SHISA9: variants seen among roughly 807,000 people sequenced by gnomAD.
SHISA9 encodes the protein protein shisa-9.
SHISA9 carries 13 observed loss-of-function variants against 38.0 expected under a neutral mutation model. The observed-to-expected ratio is 0.34, with a 90% confidence interval of 0.22 to 0.54. The LOEUF is 0.54. Ranked by LOEUF, SHISA9 falls within the 20% of genes least tolerant of loss-of-function variation. The probability of loss-of-function intolerance (pLI) is 0.91; values close to 1 mark genes in which losing one functional copy is unlikely to be tolerated. For synonymous variants in SHISA9, 275 were observed against 242.0 expected (o/e 1.14, Z -1.27); for missense variants, 538 against 575.8 (o/e 0.93, Z 0.67).
chr16:13,066,055 C>G (rs2073431138), intron 2 of SHISA9, among the ~76,000 whole-genome samples: 1 of 152,210 alleles, frequency 6.6e-6, no homozygotes, highest in African/African-American at 2.4e-5. Context: ...CTCAAAGAAG[C>G]CCCCACATTT....
At chr16:12,954,632 G>A (rs1166568276) in intron 2 of SHISA9, among the ~76,000 whole-genome samples, 4 of 152,098 alleles carry the variant, frequency 2.6e-5, no homozygotes, top group African/African-American at 9.7e-5. Context: ...CATATTAAGG[G>A]CTAAATAGAT....
intron 2 of SHISA9, among the ~76,000 whole-genome samples, chr16:12,991,323 A>C (rs980320941): frequency 6.6e-6 from 1 of 152,166 alleles, no homozygotes; most frequent in Non-Finnish European, 1.5e-5. Context: ...AAACTTACTG[A>C]ACATTGTTTG....
the SHISA9 span, among the ~76,000 whole-genome samples, chr16:13,499,667 G>T: frequency 6.6e-6 from 1 of 151,996 alleles, no homozygotes; most frequent in Non-Finnish European, 1.5e-5. Context: ...AATCTCAAAG[G>T]TCACAGTGAC....
At chr16:13,357,559 A>C in the SHISA9 span, among the ~76,000 whole-genome samples, 1 of 152,202 alleles carries the variant, frequency 6.6e-6, no homozygotes, top group African/African-American at 2.4e-5. Context: ...CCCCGATCCG[A>C]GTCACAGCAC....
rs557585918 is a variant in SHISA9, at chr16:13,082,553, C to G, written c.692-120841C>G. The stretch of plus-strand genomic sequence containing the variant: ...ATGTCCCGGCATTCTCTCTCTTTCT[C>G]TTTCTCTCTCATTGGCTTGAATGGG... On this transcript the variant is annotated intron_variant, in intron 2 of 4. Transcript: ENST00000558583. The G allele has an allele frequency of 3.3e-5, 5 of 152,314 alleles. No individual in the cohort carries two copies. The South Asian group carries it at 1.0e-3, about 32-fold the overall frequency. The allele number at this position is 152,314 out of a possible 1,614,324, so 9.4% of individuals were successfully genotyped here.
intron 1 of SHISA9, chr16:12,910,010 T>C (rs11075172): frequency 0.82 from 125,394 of 152,152 alleles, 52,359 homozygotes; most frequent in East Asian, 1. Context: ...GCACCCACCA[T>C]GATGCCAGGC....
At chr16:12,973,868 C>T (rs1329181456) in intron 2 of SHISA9, among the ~76,000 whole-genome samples, 3 of 152,312 alleles carry the variant, frequency 2.0e-5, no homozygotes, top group African/African-American at 7.2e-5. Flanking sequence ...AAAGGCTCTT[C>T]TCTTGTGTGG....
the SHISA9 span, among the ~76,000 whole-genome samples, chr16:13,306,922 A>T: frequency 5.9e-5 from 9 of 152,214 alleles, no homozygotes; most frequent in African/African-American, 1.7e-4. Flanking sequence ...GCTTAGACTG[A>T]TACCTTAGTA....
At chr16:13,298,736 A>G in the SHISA9 span, among the ~76,000 whole-genome samples, 428 of 152,330 alleles carry the variant, frequency 2.8e-3, 3 homozygotes, top group African/African-American at 9.9e-3. Context: ...AAACCCTGAA[A>G]TGCAGCCCTT....
chr16:13,186,736 C>T (rs1383158747), intron 2 of SHISA9, among the ~76,000 whole-genome samples: 1 of 152,218 alleles, frequency 6.6e-6, no homozygotes, highest in Non-Finnish European at 1.5e-5. Flanking sequence ...ATCCCCGCTT[C>T]TCCAGCCCCT....
the SHISA9 span, among the ~76,000 whole-genome samples, chr16:13,349,093 T>C: frequency 3.3e-5 from 5 of 152,204 alleles, no homozygotes; most frequent in African/African-American, 7.2e-5. Context: ...AGGAAATAGA[T>C]CTGCTTTTGA....
chr16:13,145,442 G>T (rs1427640518), intron 2 of SHISA9, among the ~76,000 whole-genome samples: 2 of 152,152 alleles, frequency 1.3e-5, no homozygotes, highest in Admixed American at 6.5e-5. Context: ...CAGGAGAATT[G>T]CTTGAACCCG....
intron 2 of SHISA9, among the ~76,000 whole-genome samples, chr16:12,976,401 A>AT (rs1236193706): frequency 8.6e-5 from 13 of 152,044 alleles, no homozygotes; most frequent in Admixed American, 7.2e-4. Context: ...AAACTCGTTA[A>AT]TTTTTTATGG....
chr16:13,483,041 G>A, the SHISA9 span, among the ~76,000 whole-genome samples: 2 of 152,178 alleles, frequency 1.3e-5, no homozygotes, highest in Admixed American at 6.5e-5. Flanking sequence ...CCACAGATGG[G>A]CACTTAGAGT....
chr16:13,377,257 A>C, the SHISA9 span, among the ~76,000 whole-genome samples: 61 of 152,336 alleles, frequency 4.0e-4, no homozygotes, highest in African/African-American at 1.4e-3. Flanking sequence ...CTTCACAGGA[A>C]AGAAAGCTAT....
At chr16:13,132,786 A>G (rs891867965) in intron 2 of SHISA9, among the ~76,000 whole-genome samples, 2 of 152,218 alleles carry the variant, frequency 1.3e-5, no homozygotes, top group Admixed American at 6.5e-5. Flanking sequence ...GATAAGATGA[A>G]TTGAAGGTCT....
At chr16:13,262,152 T>A in the SHISA9 span, among the ~76,000 whole-genome samples, 1 of 152,104 alleles carries the variant, frequency 6.6e-6, no homozygotes, top group African/African-American at 2.4e-5. Context: ...CCCAAACAAT[T>A]TGGCAAAACA....
At chr16:13,007,438 T>G (rs1407956969) in intron 2 of SHISA9, among the ~76,000 whole-genome samples, 2 of 152,174 alleles carry the variant, frequency 1.3e-5, no homozygotes, top group African/African-American at 4.8e-5. Flanking sequence ...GCACAAGTGT[T>G]CTTTATTTCT....
the SHISA9 span, among the ~76,000 whole-genome samples, chr16:13,539,816 G>A: frequency 2.0e-5 from 3 of 152,092 alleles, no homozygotes; most frequent in East Asian, 3.9e-4. Flanking sequence ...TGTACTCAGT[G>A]TTTAGGCACT....
Sources: allele counts gnomAD v4.1 joint callset (sites outside exome capture counted in the v4.1 genomes callset), GRCh38; gene constraint gnomAD v4.1.1; transcripts MANE v1.5; gene names NCBI Gene and HGNC (gene_info 2026-07-23, HGNC 2026-07-21).